DCDC2: variants seen among roughly 807,000 people sequenced by gnomAD.
DCDC2 encodes the protein doublecortin domain containing 2.
DCDC2 carries 40 observed loss-of-function variants against 50.2 expected under a neutral mutation model. The ratio of observed to expected loss-of-function variants is 0.80; its 90% CI spans 0.62 to 1.04. The LOEUF (loss-of-function observed/expected upper bound fraction) is 1.04, where lower values mean the gene tolerates loss of function less well. DCDC2 is among the 50% of genes least tolerant of loss of function. The probability of loss-of-function intolerance (pLI) is 0.00; values close to 1 mark genes in which losing one functional copy is unlikely to be tolerated. For missense variants in DCDC2, 570 were observed against 581.9 expected (o/e 0.98, Z 0.21); for synonymous variants, 234 against 210.6 (o/e 1.11, Z -0.96).
At chr6:24,278,238 T>G in intron 6 of DCDC2, 27 bp from the exon 7 acceptor site, 4 of 1,570,528 alleles carry the variant, frequency 2.5e-6, no homozygotes, top group Non-Finnish European at 3.4e-6. Context: ...TAGACCCTTA[T>G]TATTAGCTAA....
intron 2 of DCDC2, among the ~76,000 whole-genome samples, chr6:24,335,137 A>T (rs1760033751): frequency 6.6e-6 from 1 of 152,192 alleles, no homozygotes; most frequent in Non-Finnish European, 1.5e-5. Context: ...CAATTACCAG[A>T]CCTGACAGCC....
chr6:24,209,513 T>TA (rs370939495), intron 7 of DCDC2, among the ~76,000 whole-genome samples: 54 of 152,336 alleles, frequency 3.5e-4, no homozygotes, highest in South Asian at 8.3e-4. Context: ...TTAGTGTTAC[T>TA]ACATACTAAT....
chr6:24,381,233 A>G, the DCDC2 span, among the ~76,000 whole-genome samples: 1 of 152,222 alleles, frequency 6.6e-6, no homozygotes, highest in South Asian at 2.1e-4. Flanking sequence ...TAGCATTTGT[A>G]TGTGTGGTGA....
intron 7 of DCDC2, among the ~76,000 whole-genome samples, chr6:24,209,526 C>T (rs1761809145): frequency 6.6e-6 from 1 of 152,168 alleles, no homozygotes. Context: ...ATACTAATGT[C>T]AACAGGTAAG....
chr6:24,199,409 C>G (rs1399756136), intron 8 of DCDC2, among the ~76,000 whole-genome samples: 1 of 152,180 alleles, frequency 6.6e-6, no homozygotes, highest in African/African-American at 2.4e-5. Flanking sequence ...AGCAGACCTG[C>G]AGCAGAGGGG....
chr6:24,241,173 C>A (rs1021503395), intron 7 of DCDC2, among the ~76,000 whole-genome samples: 1 of 152,100 alleles, frequency 6.6e-6, no homozygotes, highest in Non-Finnish European at 1.5e-5. Context: ...GTACTATTAA[C>A]CTAGGTAAAC....
chr6:24,266,290 TTTC>T (rs1461070933), intron 7 of DCDC2, among the ~76,000 whole-genome samples: 1 of 152,080 alleles, frequency 6.6e-6, no homozygotes, highest in Non-Finnish European at 1.5e-5. Context: ...TGGGCAAAGA[TTTC>T]TTGAGTAATA....
chr6:24,340,928 G>C (rs1316338451), intron 2 of DCDC2, among the ~76,000 whole-genome samples: 1 of 152,148 alleles, frequency 6.6e-6, no homozygotes, highest in Non-Finnish European at 1.5e-5. Context: ...GTTTCATCAT[G>C]TTGGCCAGGC....
chr6:24,180,016 A>T (rs1021169303), intron 8 of DCDC2, among the ~76,000 whole-genome samples: 1 of 151,544 alleles, frequency 6.6e-6, no homozygotes, highest in African/African-American at 2.4e-5. Context: ...CAGAGCCAAG[A>T]CTTTGGAGAA....
chr6:24,249,304 C>T (rs1159118340), intron 7 of DCDC2, among the ~76,000 whole-genome samples: 1 of 152,150 alleles, frequency 6.6e-6, no homozygotes, highest in Non-Finnish European at 1.5e-5. Flanking sequence ...ACCCATTTAA[C>T]TAGTATTAAT....
intron 2 of DCDC2, among the ~76,000 whole-genome samples, chr6:24,333,002 A>G (rs1759992953): frequency 6.6e-6 from 1 of 152,190 alleles, no homozygotes; most frequent in Non-Finnish European, 1.5e-5. Flanking sequence ...GTATATCAAT[A>G]ATGGGGAACT....
rs892373040 is a variant in DCDC2 at position 24,219,740 on chromosome 6, C to T, written c.923-14638G>A. Among the ~76,000 whole-genome samples, 10 of 152,274 alleles carry T rather than the reference C, an allele frequency of 6.6e-5. No individual in the cohort carries two copies. The South Asian group carries it at 1.7e-3, about 25-fold the overall frequency. On this transcript the variant is annotated intron_variant, in intron 7 of 9. Coordinates refer to ENST00000378454, the MANE Select transcript of DCDC2 (RefSeq NM_016356.5). ...AATTCTTAATCATTTTATCCTTGAA[C>T]TTGTGTGCTTTGTAAGTGAAGTTCA...
At chr6:24,246,967 T>C (rs1762690865) in intron 7 of DCDC2, among the ~76,000 whole-genome samples, 1 of 152,204 alleles carries the variant, frequency 6.6e-6, no homozygotes, top group Admixed American at 6.5e-5. Flanking sequence ...CTTTTCATTG[T>C]AAAATCAGAA....
the DCDC2 span, among the ~76,000 whole-genome samples, chr6:24,376,686 G>C: frequency 8.3e-6 from 1 of 120,862 alleles, no homozygotes; most frequent in Non-Finnish European, 1.6e-5. Context: ...TTTACCTCCA[G>C]TATGAAAATA....
Position 24,172,671 on chromosome 6 carries a change from C to T in DCDC2, c.*2059G>A, listed in dbSNP as rs947940317. On this transcript the variant is annotated 3_prime_UTR_variant, in exon 10 of 10. Coordinates refer to ENST00000378454, the MANE Select transcript of DCDC2 (RefSeq NM_016356.5). ...CTATTTGAAATCATTAACTCCAGAC[C>T]CAGTAATAGTGCACAAATTTAATAT... 6.6e-6 allele frequency: 1 copy of T among 151,728 alleles called. No homozygotes were observed. The highest frequency in any genetic ancestry group is 1.5e-5 in the Non-Finnish European group (1 of 67,956). 9.4% of individuals were successfully genotyped at this position (151,728 alleles called of 1,614,324 possible).
At chr6:24,230,201 C>A (rs145105837) in intron 7 of DCDC2, among the ~76,000 whole-genome samples, 2 of 152,176 alleles carry the variant, frequency 1.3e-5, no homozygotes, top group South Asian at 4.1e-4. Flanking sequence ...AAGCCAAAAT[C>A]ACTGGTCTCA....
rs568135251 is a variant in DCDC2, at chr6:24,208,701, C to T, written c.923-3599G>A. ...CACTACTTTTTCCTCCCACATACTG[C>T]GTTTATTCATGATCACACTTACTTT... On this transcript the variant is annotated intron_variant, in intron 7 of 9. Transcript: ENST00000378454. Among the ~76,000 whole-genome samples the T allele has an allele frequency of 6.4e-4, 98 of 152,236 alleles. No individual in the cohort carries two copies. In the Middle Eastern group the frequency reaches 0.014, roughly 21 times the overall value.
At chr6:24,312,669 G>C (rs1476143716) in intron 2 of DCDC2, among the ~76,000 whole-genome samples, 1 of 152,014 alleles carries the variant, frequency 6.6e-6, no homozygotes, top group African/African-American at 2.4e-5. Flanking sequence ...GAAAGGTTAG[G>C]GCTTATCTGT....
At chr6:24,224,628 C>G (rs1193095833) in intron 7 of DCDC2, among the ~76,000 whole-genome samples, 1 of 152,168 alleles carries the variant, frequency 6.6e-6, no homozygotes, top group Non-Finnish European at 1.5e-5. Flanking sequence ...TGTAAGCCCC[C>G]TCTCAGGAAT....
Sources: allele counts gnomAD v4.1 joint callset (sites outside exome capture counted in the v4.1 genomes callset), GRCh38; gene constraint gnomAD v4.1.1; transcripts MANE v1.5; gene names NCBI Gene and HGNC (gene_info 2026-07-23, HGNC 2026-07-21).